The following NECAB1 variants were observed in gnomAD, a reference collection of about 807,000 sequenced individuals.
NECAB1 encodes the protein N-terminal EF-hand calcium-binding protein 1.
A neutral mutation model predicts 57.5 loss-of-function variants in NECAB1; 29 were observed. The observed-to-expected ratio is 0.50, with a 90% CI of 0.38 to 0.69. NECAB1 has a LOEUF of 0.69. Among genes scored for constraint, NECAB1 ranks in the 30% least tolerant of loss-of-function variants. The pLI, the probability that NECAB1 is intolerant of heterozygous loss-of-function variation, is 0.00. For missense variants in NECAB1, 372 were observed against 413.8 expected, an observed-to-expected ratio of 0.90 and a Z score of 0.88; for synonymous variants, 142 against 147.7, an observed-to-expected ratio of 0.96 and a Z score of 0.28.
intron 4 of NECAB1, among the ~76,000 whole-genome samples, chr8:90,878,671 G>A (rs1443003734): frequency 6.6e-6 from 1 of 151,720 alleles, no homozygotes; most frequent in Non-Finnish European, 1.5e-5. Context: ...TTCTAACTTG[G>A]AGAGTTGAGA....
At chr8:90,948,035 G>A (rs1458827299) in intron 10 of NECAB1, among the ~76,000 whole-genome samples, 3 of 152,196 alleles carry the variant, frequency 2.0e-5, no homozygotes, top group Non-Finnish European at 2.9e-5. Flanking sequence ...TTGATGAAGA[G>A]CTTGAAATAC....
intron 10 of NECAB1, among the ~76,000 whole-genome samples, chr8:90,945,740 C>A (rs1202294802): frequency 6.6e-6 from 1 of 152,144 alleles, no homozygotes; most frequent in Non-Finnish European, 1.5e-5. Flanking sequence ...CCATTTCCCC[C>A]AGAAGCCATT....
At chr8:90,821,449 T>C (rs1360637294) in intron 2 of NECAB1, among the ~76,000 whole-genome samples, 1 of 151,888 alleles carries the variant, frequency 6.6e-6, no homozygotes, top group East Asian at 1.9e-4. Context: ...CTCTTCCTTC[T>C]ATCCTCCAAA....
intron 3 of NECAB1, among the ~76,000 whole-genome samples, chr8:90,864,288 CGAG>C (rs1808464957): frequency 8.2e-6 from 1 of 122,234 alleles, no homozygotes; most frequent in African/African-American, 3.2e-5. Context: ...AAAAAAAAAA[CGAG>C]GAAGGAAGGG....
At chr8:90,934,639 G>C (rs2130211252) in intron 9 of NECAB1, among the ~76,000 whole-genome samples, 1 of 152,272 alleles carries the variant, frequency 6.6e-6, no homozygotes, top group African/African-American at 2.4e-5. Flanking sequence ...ATGACTGGCA[G>C]AGAAGGGCAA....
chr8:90,822,813 A>G (rs1812164556), intron 2 of NECAB1, among the ~76,000 whole-genome samples: 1 of 151,576 alleles, frequency 6.6e-6, no homozygotes, highest in Non-Finnish European at 1.5e-5. Context: ...ACTACATATC[A>G]TAGTGTTGGA....
At chr8:90,911,482 C>T (rs1451444902) in intron 5 of NECAB1, among the ~76,000 whole-genome samples, 1 of 151,926 alleles carries the variant, frequency 6.6e-6, no homozygotes, top group Non-Finnish European at 1.5e-5. Flanking sequence ...CGAATCAAGT[C>T]AAGAATGGAA....
In NECAB1 at chr8:90,864,234, A is replaced by T. The variant is rs1411571546; in HGVS notation, c.234-7894A>T. On this transcript the variant is annotated intron_variant, in intron 3 of 12. Coordinates refer to ENST00000417640, the MANE Select transcript of NECAB1 (RefSeq NM_022351.5). Reference sequence around the variant, plus strand: ...GAGAACATTTGTGAGACTCTGGAAGAGTTTCAGGTAGAGAAGGAAATGGAT... The same window carrying T: ...GAGAACATTTGTGAGACTCTGGAAGTGTTTCAGGTAGAGAAGGAAATGGAT... 8.1e-5 allele frequency among the ~76,000 whole-genome samples: 12 copies of T among 148,360 alleles called. No homozygotes were observed. In the South Asian group the frequency reaches 2.8e-3, roughly 35 times the overall value.
At chr8:90,823,770 A>G (rs1404867259) in intron 2 of NECAB1, among the ~76,000 whole-genome samples, 2 of 151,968 alleles carry the variant, frequency 1.3e-5, no homozygotes, top group East Asian at 1.9e-4. Context: ...CTCATTGTAG[A>G]TGGAAGGGAT....
intron 6 of NECAB1, among the ~76,000 whole-genome samples, chr8:90,917,870 A>ATATATATATATATATATATATATATATG (rs1554575432): frequency 7.8e-5 from 5 of 64,338 alleles, no homozygotes; most frequent in Non-Finnish European, 1.2e-4. Context: ...ATATATATAT[A>ATATATATATATATATATATATATATATG]TGTGTGTGTG....
intron 6 of NECAB1, among the ~76,000 whole-genome samples, chr8:90,921,141 C>T (rs1038032347): frequency 2.9e-4 from 44 of 152,072 alleles, no homozygotes; most frequent in Non-Finnish European, 5.7e-4. Context: ...CTTAGCCTCC[C>T]GAGTAACTGG....
At chr8:90,887,502 A>G (rs998938714) in intron 5 of NECAB1, among the ~76,000 whole-genome samples, 4 of 152,224 alleles carry the variant, frequency 2.6e-5, no homozygotes, top group Admixed American at 2.6e-4. Flanking sequence ...GACACAAACA[A>G]GTAAGTAAAT....
At chr8:90,812,178 T>A (rs78995763) in intron 2 of NECAB1, among the ~76,000 whole-genome samples, 3,859 of 152,322 alleles carry the variant, frequency 0.025, 136 homozygotes, top group African/African-American at 0.079. Flanking sequence ...TTCGATTATG[T>A]ACTGTACTCC....
intron 2 of NECAB1, among the ~76,000 whole-genome samples, chr8:90,816,665 T>C (rs1301904092): frequency 6.6e-6 from 1 of 151,846 alleles, no homozygotes; most frequent in African/African-American, 2.4e-5. Flanking sequence ...TTCTGGACTC[T>C]AAATTCTGAT....
intron 5 of NECAB1, among the ~76,000 whole-genome samples, chr8:90,895,718 A>C (rs1489481898): frequency 1.3e-5 from 2 of 152,260 alleles, no homozygotes; most frequent in Non-Finnish European, 2.9e-5. Flanking sequence ...CCATGAAGTT[A>C]AATGAAAATT....
At position 90,949,873 on chromosome 8, in the gene NECAB1, T is replaced by C. The variant is rs781507939; in HGVS notation, c.927T>C (p.Ser309=). 59 of 1,602,000 alleles carry C rather than the reference T, an allele frequency of 3.7e-5. No individual in the cohort carries two copies. The South Asian group carries it at 5.6e-4, about 15-fold the overall frequency. Residue 309 remains serine, a synonymous_variant, in exon 11 of 13, where the codon AGT becomes AGC. Transcript: ENST00000417640. ...YMIYEFWENS[S]VWNSHLQTNY... is the part of the protein sequence containing the mutation. ...TCTATGAGTTCTGGGAGAATAGTAG[T>C]GTATGGAATAGGTAAGTTGTGAGCA...
At chr8:90,869,728 C>A (rs897913697) in intron 3 of NECAB1, among the ~76,000 whole-genome samples, 1 of 152,086 alleles carries the variant, frequency 6.6e-6, no homozygotes, top group Admixed American at 6.5e-5. Flanking sequence ...TTTACAGGCT[C>A]AGAGGTGGAA....
At chr8:90,849,754 C>T (rs1337792072) in intron 3 of NECAB1, among the ~76,000 whole-genome samples, 2 of 124,260 alleles carry the variant, frequency 1.6e-5, no homozygotes, top group African/African-American at 3.1e-5. Context: ...AGTGCAGTGG[C>T]GTGATCTCGG....
chr8:90,842,535 CTGTT>C (rs1157027161), intron 3 of NECAB1, among the ~76,000 whole-genome samples: 1 of 152,166 alleles, frequency 6.6e-6, no homozygotes. Context: ...TTGCTGTGAG[CTGTT>C]TGTTTCATGT....
Sources: gnomAD v4.1 joint callset for allele counts (sites outside exome capture counted in the v4.1 genomes callset) on GRCh38, gnomAD v4.1.1 for gene constraint, MANE v1.5 for transcripts, NCBI Gene and HGNC (gene_info 2026-07-23, HGNC 2026-07-21) for gene names.